CDKN2B-AS1: variants seen among roughly 807,000 people sequenced by gnomAD.
The protein encoded by CDKN2B-AS1 is CDKN2B antisense RNA 1 (non-protein coding).
At chr9:22,042,496 A>T (rs1330912206) in intron 1 of CDKN2B-AS1, among the ~76,000 whole-genome samples, 1 of 152,078 alleles carries the variant, frequency 6.6e-6, no homozygotes, top group Non-Finnish European at 1.5e-5. Flanking sequence ...AACAGATAAA[A>T]TTAAGGAATG....
intron 4 of CDKN2B-AS1, among the ~76,000 whole-genome samples, chr9:22,084,880 A>C (rs971207932): frequency 6.6e-6 from 1 of 152,194 alleles, no homozygotes; most frequent in African/African-American, 2.4e-5. Flanking sequence ...AAGCTGAGTC[A>C]TACAGCTGAA....
At chr9:22,113,047 A>G (rs965531718) in intron 4 of CDKN2B-AS1, among the ~76,000 whole-genome samples, 9 of 152,198 alleles carry the variant, frequency 5.9e-5, no homozygotes, top group Admixed American at 5.2e-4. Context: ...CTATTGCATT[A>G]TAACAAGTCA....
chr9:22,004,154 A>G lies in CDKN2B-AS1; in HGVS notation n.29+8993A>G, dbSNP rs2285329. 3.5e-3 allele frequency: 803 copies of G among 232,486 alleles called. 20 individuals are homozygous for G. The East Asian group carries it at 0.046, about 13-fold the overall frequency. 14.4% of individuals were successfully genotyped at this position (232,486 alleles called of 1,614,324 possible). A position where few individuals can be genotyped will look rare whatever the true frequency, so the allele number is the denominator to read the frequency against. On this transcript the variant is annotated intron_variant and non_coding_transcript_variant, in intron 1 of 4. Coordinates refer to ENST00000650946, the Ensembl canonical transcript of CDKN2B-AS1. ...CATACCTGGTACAGATTATGTGTCA[A>G]TAAACATATCCTTTCCCCAATAACA...
intron 1 of CDKN2B-AS1, among the ~76,000 whole-genome samples, chr9:22,016,951 G>C (rs1821790763): frequency 6.6e-6 from 1 of 152,164 alleles, no homozygotes; most frequent in African/African-American, 2.4e-5. Context: ...TGGCCAGTGG[G>C]AGCCTCTGCA....
At chr9:22,031,737 G>C (rs1006203837) in intron 1 of CDKN2B-AS1, among the ~76,000 whole-genome samples, 2 of 152,206 alleles carry the variant, frequency 1.3e-5, no homozygotes, top group African/African-American at 4.8e-5. Flanking sequence ...TCACAGCTTT[G>C]TGTAATCCCC....
At chr9:22,096,122 C>T (rs1223299444) in intron 4 of CDKN2B-AS1, among the ~76,000 whole-genome samples, 3 of 152,046 alleles carry the variant, frequency 2.0e-5, no homozygotes, top group Non-Finnish European at 4.4e-5. Context: ...GAGGGAATAG[C>T]ACATGTAAGG....
chr9:22,006,307 CG>C lies in CDKN2B-AS1; in HGVS notation n.29+11150del. ...GGGGGCAGGTATGGGAGATGCCGGC[CG>C]GGGCAAGGCAGGTGGAGCCATTTAA... On this transcript the variant is annotated intron_variant and non_coding_transcript_variant, in intron 1 of 4. Coordinates refer to ENST00000650946, the Ensembl canonical transcript of CDKN2B-AS1. The surrounding 1 kb of genome is among the most constrained non-coding windows in gnomAD (Gnocchi z 6.4). 1 of 1,595,658 alleles carries C rather than the reference CG, an allele frequency of 6.3e-7. No homozygotes were observed. Among genetic ancestry groups the C allele is most frequent in the South Asian group, 1.1e-5 (1 of 90,632 alleles).
Position 21,999,156 on chromosome 9 carries a change from A to G in CDKN2B-AS1, n.29+3995A>G, listed in dbSNP as rs1820816518. The stretch of plus-strand genomic sequence containing the variant: ...GGAAACAATCACTCTTACTATTACA[A>G]CTTGGTGTAATTGTTTTGAAAGGCA... On this transcript the variant is annotated intron_variant and non_coding_transcript_variant, in intron 1 of 4. Transcript: ENST00000650946. The surrounding 1 kb of genome is among the most constrained non-coding windows in gnomAD (Gnocchi z 4.7). Among the ~76,000 whole-genome samples, 2 of 152,066 alleles carry G rather than the reference A, an allele frequency of 1.3e-5. No homozygotes were observed. Among genetic ancestry groups the G allele is most frequent in the African/African-American group, 4.8e-5 (2 of 41,440 alleles).
chr9:22,092,033 G>GA (rs1461106445), intron 4 of CDKN2B-AS1, among the ~76,000 whole-genome samples: 1 of 148,996 alleles, frequency 6.7e-6, no homozygotes, highest in Non-Finnish European at 1.5e-5. Flanking sequence ...TTAGCATGAA[G>GA]GTTGTTGAAT....
intron 1 of CDKN2B-AS1, chr9:22,030,684 A>T (rs571849951): frequency 6.6e-6 from 1 of 151,962 alleles, no homozygotes; most frequent in African/African-American, 2.4e-5. Flanking sequence ...AAGTGACTTT[A>T]GTCCTCTTTA....
rs73650049 is a variant in CDKN2B-AS1, at chr9:22,101,325, A to G, written n.439-25778A>G. Among the ~76,000 whole-genome samples, 1,242 of 152,320 alleles carry G rather than the reference A, an allele frequency of 8.2e-3. 17 individuals carry two copies. The highest frequency in any genetic ancestry group is 0.028 in the African/African-American group (1,165 of 41,570). The stretch of plus-strand genomic sequence containing the variant: ...CACCATAAGCAGACTGAAAAAGTCA[A>G]TCTAGTTGAATTGTTTTACTTTATA... On this transcript the variant is annotated intron_variant and non_coding_transcript_variant, in intron 4 of 4. Transcript: ENST00000650946.
In CDKN2B-AS1 at chr9:22,019,042, A is replaced by G. The variant is rs79659612; in HGVS notation, n.29+23881A>G. ...CATTCCAAGGAAGGGGATGTGAGTC[A>G]GAAGAAACTGCATGTGGCAAGCTCT... On this transcript the variant is annotated intron_variant and non_coding_transcript_variant, in intron 1 of 4. Coordinates refer to ENST00000650946, the Ensembl canonical transcript of CDKN2B-AS1. 1.3e-3 allele frequency among the ~76,000 whole-genome samples: 198 copies of G among 152,354 alleles called. 1 individual carries two copies. The East Asian group carries it at 0.019, about 14-fold the overall frequency.
intron 4 of CDKN2B-AS1, among the ~76,000 whole-genome samples, chr9:22,075,892 T>TGG (rs1026343261): frequency 3.9e-5 from 6 of 152,192 alleles, no homozygotes; most frequent in Non-Finnish European, 7.4e-5. Context: ...TTTCTAAGAA[T>TGG]GGGGGCTCTG....
At chr9:22,045,477 T>C (rs1563943691) in intron 1 of CDKN2B-AS1, among the ~76,000 whole-genome samples, 1 of 152,088 alleles carries the variant, frequency 6.6e-6, no homozygotes, top group African/African-American at 2.4e-5. Context: ...CAAGTATTCA[T>C]TATTAATGGA....
intron 3 of CDKN2B-AS1, among the ~76,000 whole-genome samples, chr9:22,054,414 G>A (rs985745813): frequency 6.6e-6 from 1 of 152,110 alleles, no homozygotes; most frequent in African/African-American, 2.4e-5. Flanking sequence ...ATACTTGAAA[G>A]GCCACAAACA....
intron 4 of CDKN2B-AS1, among the ~76,000 whole-genome samples, chr9:22,060,104 A>G (rs1434144501): frequency 6.6e-6 from 1 of 152,190 alleles, no homozygotes; most frequent in Non-Finnish European, 1.5e-5. Flanking sequence ...TCGGGGATTA[A>G]CATTAGGCCC....
intron 1 of CDKN2B-AS1, among the ~76,000 whole-genome samples, chr9:22,037,594 A>C (rs1822741514): frequency 6.6e-6 from 1 of 152,028 alleles, no homozygotes; most frequent in Non-Finnish European, 1.5e-5. Context: ...GTGCTCTTAG[A>C]TTAATTTTAA....
rs17834367 is a variant in CDKN2B-AS1, at chr9:22,112,607, T to C, written n.439-14496T>C. On this transcript the variant is annotated intron_variant and non_coding_transcript_variant, in intron 4 of 4. Coordinates refer to ENST00000650946, the Ensembl canonical transcript of CDKN2B-AS1. Reference sequence around the variant, plus strand: ...CAAAGGAAGTGCAATTTATAGAAGGTAGTAGAATAGGCAGATAAAACAATA... The same window carrying C: ...CAAAGGAAGTGCAATTTATAGAAGGCAGTAGAATAGGCAGATAAAACAATA... Among the ~76,000 whole-genome samples, 1,372 of 152,296 alleles carry C rather than the reference T, an allele frequency of 9.0e-3. 109 individuals carry two copies. In the East Asian group the frequency reaches 0.19, roughly 21 times the overall value.
chr9:22,034,936 C>T (rs1822626105), intron 1 of CDKN2B-AS1, among the ~76,000 whole-genome samples: 1 of 152,072 alleles, frequency 6.6e-6, no homozygotes, highest in Non-Finnish European at 1.5e-5. Context: ...TATGGCTGTG[C>T]CATTCTAGTT....
Sources: allele counts gnomAD v4.1 joint callset (sites outside exome capture counted in the v4.1 genomes callset), GRCh38; gene constraint gnomAD v4.1.1; non-coding constraint Gnocchi (gnomAD v3.1); transcripts MANE v1.5; gene names NCBI Gene and HGNC (gene_info 2026-07-23, HGNC 2026-07-21).